The following UNC79 variants were observed in gnomAD, a reference collection of about 807,000 sequenced individuals.
UNC79 encodes the protein unc-79 subunit of NALCN channel complex.
A neutral mutation model predicts 283.1 loss-of-function variants in UNC79; 37 were observed. The observed-to-expected ratio is 0.13, with a 90% CI of 0.10 to 0.17. UNC79 has a LOEUF of 0.17. UNC79 is among the 10% of genes least tolerant of loss of function. The pLI is 1.00. For synonymous variants in UNC79, 1,107 were observed against 1,200.2 expected (o/e 0.92, Z 1.61); for missense variants, 2,272 against 3,211.1 (o/e 0.71, Z 7.07).
chr14:93,381,900 C>A (rs1050981996), intron 1 of UNC79, among the ~76,000 whole-genome samples: 5 of 152,098 alleles, frequency 3.3e-5, no homozygotes, highest in African/African-American at 1.2e-4. Context: ...ATCAGCCTGG[C>A]CCTCCCTCAA....
intron 7 of UNC79, among the ~76,000 whole-genome samples, chr14:93,514,316 T>A (rs1054692620): frequency 6.6e-6 from 1 of 152,232 alleles, no homozygotes; most frequent in Non-Finnish European, 1.5e-5. Context: ...AACAACCCTA[T>A]GTCTACAAAT....
At chr14:93,707,283 GT>G (rs938540736), downstream of UNC79, 1 of 168,892 alleles carries the variant, frequency 5.9e-6, no homozygotes, top group Non-Finnish European at 1.3e-5. Context: ...CCTTTGTAGT[GT>G]TTTTTCTTAA....
At chr14:93,653,670 C>A in intron 35 of UNC79, 72 bp from the exon 39 acceptor site, 2 of 1,384,714 alleles carry the variant, frequency 1.4e-6, no homozygotes, top group Non-Finnish European at 1.0e-6. Context: ...AATGTCTGAA[C>A]TCTAAGTAAA....
intron 47 of UNC79, among the ~76,000 whole-genome samples, chr14:93,695,616 G>T (rs994132525): frequency 6.6e-6 from 1 of 151,958 alleles, no homozygotes; most frequent in Non-Finnish European, 1.5e-5. Flanking sequence ...TTCAGGCCAG[G>T]CATGGTGGCT....
At chr14:93,638,242 A>C (rs991151655) in intron 32 of UNC79, among the ~76,000 whole-genome samples, 1 of 152,234 alleles carries the variant, frequency 6.6e-6, no homozygotes, top group Non-Finnish European at 1.5e-5. Context: ...CTAAGGAATG[A>C]GGTGCTATTG....
exon 40 of UNC79, chr14:93,662,636 C>T: frequency 6.2e-7 from 1 of 1,610,428 alleles, no homozygotes. Context: ...AACTGCTCAG[C>T]TTTGTAATTC....
Position 93,621,534 on chromosome 14 carries a change from T to C in UNC79, c.4388-87T>C. ...GGTGGAGCTGGGATTGTGATGATGA[T>C]TTATGCCAATTGTATGCCCAAGGAT... On this transcript the variant is annotated intron_variant, in intron 29 of 48. Transcript: ENST00000555664. This position sits in a 1 kb window ranked among gnomAD's most constrained non-coding sequence, Gnocchi z 4.8. 2 of 1,412,814 alleles carry C rather than the reference T, an allele frequency of 1.4e-6. No homozygotes were observed. The highest frequency in any genetic ancestry group is 1.9e-6 in the Non-Finnish European group (2 of 1,074,450). 87.5% of individuals were successfully genotyped at this position (1,412,814 alleles called of 1,614,324 possible).
rs1186258877 is a variant in UNC79 at position 93,688,545 on chromosome 14, A to G, written c.6910-120A>G. The G allele has an allele frequency of 4.5e-6, 5 of 1,105,206 alleles. No individual in the cohort carries two copies. In the East Asian group the frequency reaches 9.9e-5, roughly 22 times the overall value. The allele number at this position is 1,105,206 out of a possible 1,614,324, so 68.5% of individuals were successfully genotyped here. On this transcript the variant is annotated intron_variant, in intron 43 of 48. Coordinates refer to ENST00000555664, the Ensembl canonical transcript of UNC79. This position sits in a 1 kb window ranked among gnomAD's most constrained non-coding sequence, Gnocchi z 4.0. ...GGGAAGGCTCTGAAGAAGTTTAAGCAGGTTGTTTGCTCAGAGTGGCGATAA... is the reference window on the plus strand; with the variant it reads ...GGGAAGGCTCTGAAGAAGTTTAAGCGGGTTGTTTGCTCAGAGTGGCGATAA...
At chr14:93,479,287 T>C (rs1051201820) in intron 4 of UNC79, among the ~76,000 whole-genome samples, 8 of 146,174 alleles carry the variant, frequency 5.5e-5, no homozygotes, top group African/African-American at 2.0e-4. Flanking sequence ...CTTCCTCCCT[T>C]CGTCCCTTCT....
chr14:93,358,066 A>G (rs1418528852), intron 1 of UNC79, among the ~76,000 whole-genome samples: 2 of 151,280 alleles, frequency 1.3e-5, no homozygotes, highest in Non-Finnish European at 2.9e-5. Flanking sequence ...GAGGAACAGA[A>G]TATTAAGGAT....
At chr14:93,394,660 G>C (rs536656750) in intron 1 of UNC79, among the ~76,000 whole-genome samples, 73 of 152,032 alleles carry the variant, frequency 4.8e-4, no homozygotes, top group African/African-American at 1.7e-3. Flanking sequence ...ACCCTCCTCA[G>C]CCTCCCAAAG....
At chr14:93,431,565 C>T (rs550470475) in intron 1 of UNC79, among the ~76,000 whole-genome samples, 1 of 152,146 alleles carries the variant, frequency 6.6e-6, no homozygotes, top group South Asian at 2.1e-4. Context: ...GGGGAGGGAG[C>T]AGGGAGCCAG....
chr14:93,633,286 A>C (rs1294070895), intron 31 of UNC79, among the ~76,000 whole-genome samples: 1 of 152,244 alleles, frequency 6.6e-6, no homozygotes, highest in Non-Finnish European at 1.5e-5. Flanking sequence ...AAGAATTCCC[A>C]TCACATCCTT....
intron 26 of UNC79, among the ~76,000 whole-genome samples, chr14:93,609,674 A>G (rs1442488657): frequency 6.6e-6 from 1 of 152,218 alleles, no homozygotes; most frequent in Non-Finnish European, 1.5e-5. Context: ...GTAGGCATTT[A>G]GTTTTGAAAT....
chr14:93,650,808 A>G (rs904674526), intron 35 of UNC79, among the ~76,000 whole-genome samples: 7 of 152,240 alleles, frequency 4.6e-5, no homozygotes, highest in Non-Finnish European at 4.4e-5. Flanking sequence ...GCATTAAAAC[A>G]AAACATTACA....
intron 4 of UNC79, among the ~76,000 whole-genome samples, chr14:93,486,554 C>T (rs988674688): frequency 4.7e-5 from 7 of 149,800 alleles, no homozygotes; most frequent in African/African-American, 7.4e-5. Context: ...CTCGGGAGGC[C>T]GAGGCAGGAG....
intron 11 of UNC79, among the ~76,000 whole-genome samples, chr14:93,533,453 G>A (rs1488211337): frequency 1.3e-5 from 2 of 152,216 alleles, no homozygotes. Context: ...GCTCACTCAT[G>A]TATTTGCAGT....
intron 14 of UNC79, among the ~76,000 whole-genome samples, chr14:93,545,585 C>T (rs1348061816): frequency 2.0e-5 from 3 of 152,140 alleles, no homozygotes; most frequent in Non-Finnish European, 4.4e-5. Flanking sequence ...ATGCAGGTAT[C>T]GAATCTGTTT....
intron 46 of UNC79, among the ~76,000 whole-genome samples, chr14:93,692,741 C>G (rs1296298055): frequency 6.6e-6 from 1 of 152,168 alleles, no homozygotes; most frequent in Non-Finnish European, 1.5e-5. Flanking sequence ...TGGGGTATGG[C>G]TAGCCTAAGC....
Sources: allele counts gnomAD v4.1 joint callset (sites outside exome capture counted in the v4.1 genomes callset), GRCh38; gene constraint gnomAD v4.1.1; non-coding constraint Gnocchi (gnomAD v3.1); transcripts MANE v1.5; gene names NCBI Gene and HGNC (gene_info 2026-07-23, HGNC 2026-07-21).